PUM1: variants seen among roughly 807,000 people sequenced by gnomAD.
PUM1 encodes pumilio homolog 1.
PUM1 carries 13 observed loss-of-function variants against 131.8 expected under a neutral mutation model. That is an observed-to-expected ratio of 0.10 (90% confidence interval 0.06 to 0.16). The LOEUF is 0.16. Ranked by LOEUF, PUM1 falls within the 10% of genes least tolerant of loss-of-function variation. The pLI is 1.00. For missense variants in PUM1, 961 were observed against 1,512.4 expected, an observed-to-expected ratio of 0.64 and a Z score of 6.05; for synonymous variants, 509 against 556.5, an observed-to-expected ratio of 0.91 and a Z score of 1.20.
intron 3 of PUM1, among the ~76,000 whole-genome samples, chr1:31,012,326 C>T (rs750589603): frequency 1.2e-4 from 18 of 151,774 alleles, no homozygotes; most frequent in Non-Finnish European, 2.1e-4. Context: ...TAATAACAGT[C>T]CATTTCAAGA....
intron 15 of PUM1, 143 bp downstream of exon 15, chr1:30,953,571 A>G (rs1640034339): frequency 1.2e-6 from 1 of 869,044 alleles, no homozygotes; most frequent in Non-Finnish European, 1.8e-6. Flanking sequence ...TTAAATCCCT[A>G]TGAAATAATG....
chr1:31,033,240 T>A (rs1643493900), intron 2 of PUM1, among the ~76,000 whole-genome samples: 1 of 151,924 alleles, frequency 6.6e-6, no homozygotes, highest in African/African-American at 2.4e-5. Context: ...GGAGTCTGGC[T>A]GTTGCCCAGG....
At chr1:30,958,938 G>A (rs1375512867) in intron 14 of PUM1, among the ~76,000 whole-genome samples, 2 of 152,170 alleles carry the variant, frequency 1.3e-5, no homozygotes, top group African/African-American at 4.8e-5. Flanking sequence ...ATATATGCAT[G>A]TATGGGGAAG....
intron 2 of PUM1, among the ~76,000 whole-genome samples, chr1:31,045,722 C>A (rs1643941573): frequency 6.6e-6 from 1 of 152,158 alleles, no homozygotes; most frequent in African/African-American, 2.4e-5. Context: ...AGAGCACTTA[C>A]TAATGGCAAC....
intron 3 of PUM1, among the ~76,000 whole-genome samples, chr1:31,019,317 G>A (rs781070536): frequency 5.9e-5 from 9 of 152,116 alleles, no homozygotes; most frequent in South Asian, 4.2e-4. Context: ...GTGCCGCTGC[G>A]CTCCAGCCTG....
At chr1:31,008,401 A>C (rs116101743) in intron 3 of PUM1, among the ~76,000 whole-genome samples, 42,428 of 151,762 alleles carry the variant, frequency 0.28, 7,594 homozygotes, top group East Asian at 0.53. Flanking sequence ...AGATTGAGAA[A>C]AAAAAAAAAC....
In PUM1 at chr1:31,054,093, CAAAAAAAAA is replaced by C. The variant is rs368330168; in HGVS notation, c.363+5102_363+5110del. ...TGGACTACAGAGCAAGACTTTATTT[CAAAAAAAAA>C]AAAAAAAAAAAAAAAAAAGGAGTTT... On this transcript the variant is annotated intron_variant, in intron 2 of 21. Transcript: ENST00000426105. Among the ~76,000 whole-genome samples the C allele has an allele frequency of 8.9e-3, 489 of 54,880 alleles. 2 individuals carry two copies. The highest frequency in any genetic ancestry group is 0.028 in the South Asian group (38 of 1,362). The allele number at this position is 54,880 out of a possible 152,430, so 36.0% of individuals were successfully genotyped here.
intron 2 of PUM1, among the ~76,000 whole-genome samples, chr1:31,055,940 T>C (rs529421256): frequency 3.9e-5 from 6 of 152,342 alleles, no homozygotes; most frequent in Admixed American, 2.0e-4. Flanking sequence ...TAGATCTTTA[T>C]TACAGATTTT....
At chr1:30,949,037 T>C (rs1247834397) in intron 17 of PUM1, 1 of 459,800 alleles carries the variant, frequency 2.2e-6, no homozygotes, top group African/African-American at 2.0e-5. Flanking sequence ...TTGGACTTCT[T>C]CAGCCTTCAA....
intron 3 of PUM1, among the ~76,000 whole-genome samples, chr1:31,007,430 G>C (rs1278275258): frequency 6.6e-6 from 1 of 152,156 alleles, no homozygotes; most frequent in Non-Finnish European, 1.5e-5. Context: ...GACCCTATTA[G>C]CTAACTACTA....
At chr1:30,935,947 C>A (rs529980171) in intron 21 of PUM1, among the ~76,000 whole-genome samples, 173 of 124,714 alleles carry the variant, frequency 1.4e-3, no homozygotes, top group Non-Finnish European at 2.3e-3. Context: ...GTCTGCAGTG[C>A]TCACTGGACC....
chr1:31,038,984 A>ATATTTTTTTTTT, intron 2 of PUM1, among the ~76,000 whole-genome samples: 2 of 49,412 alleles, frequency 4.0e-5, no homozygotes, highest in African/African-American at 4.1e-4. Context: ...ATATATATAT[A>ATATTTTTTTTTT]TTTTTTTTTT....
intron 2 of PUM1, chr1:31,036,880 A>G (rs1643629994): frequency 6.5e-6 from 1 of 153,906 alleles, no homozygotes; most frequent in Non-Finnish European, 1.5e-5. Flanking sequence ...AATGAAGAAG[A>G]GTATGACTGT....
At chr1:30,982,872 T>A (rs1401839069) in intron 7 of PUM1, among the ~76,000 whole-genome samples, 4 of 152,244 alleles carry the variant, frequency 2.6e-5, no homozygotes, top group African/African-American at 9.6e-5. Flanking sequence ...TCTCTGCTTT[T>A]GGAGTATGAA....
chr1:30,937,504 C>T (rs115002822), intron 20 of PUM1, among the ~76,000 whole-genome samples: 5 of 152,046 alleles, frequency 3.3e-5, no homozygotes, highest in African/African-American at 9.7e-5. Flanking sequence ...GACTCCATCT[C>T]GAACTCCTGA....
intron 1 of PUM1, among the ~76,000 whole-genome samples, chr1:31,060,475 T>C (rs754420869): frequency 1.4e-4 from 21 of 151,300 alleles, no homozygotes; most frequent in Non-Finnish European, 2.5e-4. Flanking sequence ...AATCAATCAA[T>C]CAATCAATCA....
intron 3 of PUM1, 34 bp from the exon 4 acceptor site, chr1:31,007,136 A>G: frequency 1.3e-6 from 2 of 1,494,162 alleles, no homozygotes; most frequent in Non-Finnish European, 1.9e-6. Context: ...CTTTTAAAGA[A>G]TTCATAAAGG....
intron 3 of PUM1, among the ~76,000 whole-genome samples, chr1:31,014,761 C>T (rs1004133446): frequency 6.6e-6 from 1 of 151,678 alleles, no homozygotes; most frequent in Non-Finnish European, 1.5e-5. Context: ...TGCACTCCAG[C>T]CTGGGCGACA....
At chr1:31,015,164 G>C (rs1011663752) in intron 3 of PUM1, among the ~76,000 whole-genome samples, 50 of 152,292 alleles carry the variant, frequency 3.3e-4, no homozygotes, top group African/African-American at 1.1e-3. Flanking sequence ...AAAAGCAGAA[G>C]AGTGTTTGTT....
Sources: gnomAD v4.1 joint callset for allele counts (sites outside exome capture counted in the v4.1 genomes callset) on GRCh38, gnomAD v4.1.1 for gene constraint, MANE v1.5 for transcripts, NCBI Gene and HGNC (gene_info 2026-07-23, HGNC 2026-07-21) for gene names.